Variants in ABCB5 observed in about 807,000 individuals in gnomAD.
ABCB5 encodes the protein ATP-binding cassette sub-family B member 5.
A neutral mutation model predicts 144.2 loss-of-function variants in ABCB5; 155 were observed. That is an observed-to-expected ratio of 1.08 (90% CI 0.94 to 1.23). ABCB5 has a LOEUF of 1.23. ABCB5 is among the 50% of genes most tolerant of loss of function. The pLI, the probability that ABCB5 is intolerant of heterozygous loss-of-function variation, is 0.00. For missense variants in ABCB5, 1,830 were observed against 1,520.8 expected, an observed-to-expected ratio of 1.20 and a Z score of -3.38; for synonymous variants, 610 against 528.6, an observed-to-expected ratio of 1.15 and a Z score of -2.11.
intron 15 of ABCB5, among the ~76,000 whole-genome samples, chr7:20,684,541 C>G (rs1024609549): frequency 6.6e-6 from 1 of 152,054 alleles, no homozygotes; most frequent in Non-Finnish European, 1.5e-5. Context: ...ACTGCTTGAG[C>G]TGAGGAGTTT....
At position 20,717,883 on chromosome 7, in the gene ABCB5, CTTTTTTTTTTTTT is replaced by C. The variant is rs574592723; in HGVS notation, c.2422-5109_2422-5097del. Among the ~76,000 whole-genome samples, 63 of 43,264 alleles carry C rather than the reference CTTTTTTTTTTTTT, an allele frequency of 1.5e-3. 1 individual carries two copies. Among genetic ancestry groups the C allele is most frequent in the African/African-American group, 4.1e-3 (56 of 13,658 alleles). 28.4% of individuals were successfully genotyped at this position (43,264 alleles called of 152,430 possible). On this transcript the variant is annotated intron_variant, in intron 20 of 27. Transcript: ENST00000404938. ...AATACGGTAACATTCTTGTAACATT[CTTTTTTTTTTTTT>C]TTTTTTTTTTTTTTTTTTTTTTTGA...
At chr7:20,631,414 A>G (rs1784035851) in intron 4 of ABCB5, among the ~76,000 whole-genome samples, 2 of 152,150 alleles carry the variant, frequency 1.3e-5, no homozygotes, top group Admixed American at 6.6e-5. Context: ...GTCTGCAGTT[A>G]TTTCAAATGT....
At chr7:20,693,659 A>T (rs1265735907) in intron 16 of ABCB5, among the ~76,000 whole-genome samples, 1 of 152,098 alleles carries the variant, frequency 6.6e-6, no homozygotes, top group African/African-American at 2.4e-5. Context: ...TCTCAAATTA[A>T]TATACTAAGC....
chr7:20,623,993 C>T (rs1434948902), intron 2 of ABCB5, among the ~76,000 whole-genome samples: 1 of 152,130 alleles, frequency 6.6e-6, no homozygotes, highest in Admixed American at 6.5e-5. Context: ...CTTCCTTAGG[C>T]TAAAGCAAAT....
chr7:20,629,776 AAGG>A (rs1226053434), intron 4 of ABCB5, among the ~76,000 whole-genome samples: 7 of 150,608 alleles, frequency 4.6e-5, no homozygotes, highest in Non-Finnish European at 1.0e-4. Context: ...GAAAAAAAAG[AAGG>A]AGAAGGAGAA....
intron 7 of ABCB5, among the ~76,000 whole-genome samples, chr7:20,644,222 C>G (rs775950604): frequency 5.9e-5 from 9 of 151,982 alleles, no homozygotes; most frequent in Non-Finnish European, 8.8e-5. Context: ...GTAGCTGGGA[C>G]TACAGGCAAC....
chr7:20,620,564 TAATTTTAA>T (rs1783787330), intron 1 of ABCB5, among the ~76,000 whole-genome samples: 1 of 151,846 alleles, frequency 6.6e-6, no homozygotes, highest in African/African-American at 2.4e-5. Context: ...ACCAAAAACC[TAATTTTAA>T]AATGGGCAAC....
intron 14 of ABCB5, chr7:20,659,552 T>C: frequency 1.0e-6 from 1 of 999,504 alleles, no homozygotes; most frequent in Non-Finnish European, 1.2e-6. Flanking sequence ...GTTTGAACGC[T>C]TGTTTCCCTC....
In ABCB5 at chr7:20,699,930, G is replaced by A. The variant is rs1786559663; in HGVS notation, c.2259+1G>A. 6.2e-7 allele frequency: 1 copy of A among 1,609,426 alleles called. No individual in the cohort carries two copies. The highest frequency in any genetic ancestry group is 1.7e-5 in the Admixed American group (1 of 59,692). On this transcript the variant is annotated splice_donor_variant, in intron 18 of 27. Transcript: ENST00000404938. LOFTEE classifies it high-confidence loss of function. ...TTGCTTTGTCAGTTATTTCATGCAGGTAAGCTTTTAATAAACAAGCCTGAG... is the reference window on the plus strand; with the variant it reads ...TTGCTTTGTCAGTTATTTCATGCAGATAAGCTTTTAATAAACAAGCCTGAG...
chr7:20,711,582 C>T lies in ABCB5; in HGVS notation c.2421+6775C>T, dbSNP rs1006802696. ...GCTCAGGTGATCCTCCCACTTCAGC[C>T]TCCTGAGTAGCTGGGACTCTGGGCA... On this transcript the variant is annotated intron_variant, in intron 20 of 27. Transcript: ENST00000404938. Among the ~76,000 whole-genome samples the T allele has an allele frequency of 3.4e-5, 5 of 148,176 alleles. 1 individual carries two copies. Among genetic ancestry groups the T allele is most frequent in the Non-Finnish European group, 6.0e-5 (4 of 66,894 alleles).
chr7:20,681,060 CTTTCTTTCTTTCTTTCTT>C (rs1245833517), intron 14 of ABCB5, among the ~76,000 whole-genome samples: 22 of 10,440 alleles, frequency 2.1e-3, no homozygotes, highest in African/African-American at 5.0e-3. Context: ...CTCTCTCTCT[CTTTCTTTCTTTCTTTCTT>C]TCTTTCTTTC....
chr7:20,698,962 A>T (rs1786516481), intron 17 of ABCB5, among the ~76,000 whole-genome samples: 1 of 152,164 alleles, frequency 6.6e-6, no homozygotes, highest in Non-Finnish European at 1.5e-5. Context: ...GACTCAGGGC[A>T]ATTGGTGTGT....
At chr7:20,754,575 C>G (rs563704583) in intron 27 of ABCB5, among the ~76,000 whole-genome samples, 1 of 152,184 alleles carries the variant, frequency 6.6e-6, no homozygotes, top group Admixed American at 6.5e-5. Context: ...CTCTATATAG[C>G]GTCATAACCT....
intron 14 of ABCB5, chr7:20,659,395 T>G (rs1354522226): frequency 3.9e-5 from 29 of 744,124 alleles, no homozygotes; most frequent in Non-Finnish European, 4.4e-5. Flanking sequence ...GAGTTAAGCG[T>G]TTTTTTTTCT....
chr7:20,660,299 T>G (rs6967746), intron 14 of ABCB5: 208,180 of 984,394 alleles, frequency 0.21, 22,641 homozygotes, highest in African/African-American at 0.31. Flanking sequence ...CTATGTGGCA[T>G]AATTATGGGG....
At chr7:20,694,161 T>C (rs549829656) in intron 16 of ABCB5, among the ~76,000 whole-genome samples, 5 of 150,502 alleles carry the variant, frequency 3.3e-5, no homozygotes, top group African/African-American at 7.3e-5. Context: ...AATTAGACAA[T>C]GAGATTACAA....
intron 14 of ABCB5, among the ~76,000 whole-genome samples, chr7:20,665,532 G>A (rs548853572): frequency 3.7e-4 from 57 of 152,138 alleles, no homozygotes; most frequent in African/African-American, 1.3e-3. Flanking sequence ...TAAAAGAAAT[G>A]ACACTGAAGA....
At chr7:20,677,774 T>A (rs1262848829) in intron 14 of ABCB5, among the ~76,000 whole-genome samples, 1 of 152,138 alleles carries the variant, frequency 6.6e-6, no homozygotes, top group East Asian at 1.9e-4. Context: ...CCTTTGCCCC[T>A]CTTTCTACCT....
Position 20,646,059 on chromosome 7 carries a change from C to T in ABCB5, c.902C>T (p.Thr301Ile), listed in dbSNP as rs774057792. The change falls in exon 9 of 28, where the codon ACC becomes ATC. Residue 301 changes from threonine (T) to isoleucine (I), a missense_variant. Physicochemically the swap from Thr to Ile is moderately conservative, Grantham distance 89. Transcript: ENST00000404938. ...LGAVYFFMNG[T>I]YGLAFWYGTS... The stretch of plus-strand genomic sequence containing the variant: ...GCTGTGTACTTCTTTATGAATGGAA[C>T]CTATGGACTTGCTTTTTGGTATGGA... The T allele has an allele frequency of 1.2e-6, 2 of 1,613,766 alleles. No homozygotes were observed. The highest frequency in any genetic ancestry group is 2.2e-5 in the South Asian group (2 of 91,078).
Sources: allele counts gnomAD v4.1 joint callset (sites outside exome capture counted in the v4.1 genomes callset), GRCh38; gene constraint gnomAD v4.1.1; transcripts MANE v1.5; gene names NCBI Gene and HGNC (gene_info 2026-07-23, HGNC 2026-07-21).